ACAD10: variants seen among roughly 807,000 people sequenced by gnomAD.
The protein encoded by ACAD10 is acyl-CoA dehydrogenase family member 10, also known as ACAD-10.
Under a neutral mutation model 116.8 loss-of-function variants are expected in ACAD10, and 112 were observed. That is an observed-to-expected ratio of 0.96 (90% CI 0.82 to 1.12). ACAD10 has a LOEUF of 1.12. ACAD10 is among the 50% of genes most tolerant of loss of function. The pLI is 0.00. For synonymous variants in ACAD10, 486 were observed against 510.6 expected (o/e 0.95, Z 0.65); for missense variants, 1,259 against 1,350.2 (o/e 0.93, Z 1.06).
rs1419265218 is a variant in ACAD10, at chr12:111,712,606, A to C, written c.799A>C (p.Lys267Gln). Residue 267 changes from lysine to glutamine, a missense_variant, in exon 6 of 21, where the codon AAA becomes CAA. By Grantham distance (53) the Lys-to-Gln change is moderately conservative. Coordinates refer to ENST00000313698, the MANE Select transcript of ACAD10 (RefSeq NM_025247.6). ...TGTGAAAAAGACGATGGAAATTCCGAAAGATTCCTTGCAGAAGTACCTCAA... is the reference window on the plus strand; with the variant it reads ...TGTGAAAAAGACGATGGAAATTCCGCAAGATTCCTTGCAGAAGTACCTCAA... ...RPVKKTMEIP[K>Q]DSLQKYLKDL... 1.9e-6 allele frequency: 3 copies of C among 1,614,166 alleles called. No homozygotes were observed. The highest frequency in any genetic ancestry group is 3.3e-5 in the Admixed American group (2 of 59,992).
At chr12:111,692,946 GA>G (rs1376244059) in intron 2 of ACAD10, 50 bp downstream of exon 2, 1 of 1,587,940 alleles carries the variant, frequency 6.3e-7, no homozygotes, top group South Asian at 1.1e-5. Flanking sequence ...GGTGGTGGGA[GA>G]ATGGAGGGTG....
intron 8 of ACAD10, among the ~76,000 whole-genome samples, chr12:111,727,566 A>T (rs1276060411): frequency 6.6e-6 from 1 of 152,002 alleles, no homozygotes; most frequent in Non-Finnish European, 1.5e-5. Context: ...AAAAATAAAA[A>T]CCTGGTTCGG....
intron 18 of ACAD10, among the ~76,000 whole-genome samples, chr12:111,752,028 A>G (rs539612066): frequency 5.8e-4 from 87 of 150,808 alleles, no homozygotes; most frequent in Admixed American, 7.3e-4. Flanking sequence ...ATTGCACTCC[A>G]GCCTGGGCAA....
intron 2 of ACAD10, among the ~76,000 whole-genome samples, chr12:111,695,788 C>T (rs1473304736): frequency 4.0e-5 from 6 of 151,890 alleles, no homozygotes; most frequent in African/African-American, 7.3e-5. Flanking sequence ...ACGAGATGGG[C>T]GGATCACTTG....
intron 1 of ACAD10, among the ~76,000 whole-genome samples, chr12:111,686,683 T>C (rs904535275): frequency 6.6e-6 from 1 of 151,876 alleles, no homozygotes; most frequent in Non-Finnish European, 1.5e-5. Context: ...GCTAGTGCAC[T>C]CCCGCCTGGG....
At chr12:111,744,603 C>T (rs780947602) in intron 12 of ACAD10, 40 bp from the exon 13 acceptor site, 6 of 1,578,918 alleles carry the variant, frequency 3.8e-6, no homozygotes, top group East Asian at 2.2e-5. Flanking sequence ...TATGATGGGT[C>T]GTGTGGGAGT....
At chr12:111,700,326 A>C (rs1457573154) in intron 2 of ACAD10, among the ~76,000 whole-genome samples, 5 of 152,248 alleles carry the variant, frequency 3.3e-5, no homozygotes, top group African/African-American at 1.2e-4. Flanking sequence ...CCTTATTAGT[A>C]TACATTTAAC....
At chr12:111,727,548 A>C (rs1030586145) in intron 8 of ACAD10, among the ~76,000 whole-genome samples, 3 of 152,158 alleles carry the variant, frequency 2.0e-5, no homozygotes, top group Admixed American at 6.5e-5. Context: ...TAAATAAATA[A>C]ATAAACAAAA....
At chr12:111,723,580 T>C in intron 8 of ACAD10, among the ~76,000 whole-genome samples, 1 of 121,526 alleles carries the variant, frequency 8.2e-6, no homozygotes. Context: ...ACGGGGTGGC[T>C]GGCCGGGTGG....
intron 10 of ACAD10, among the ~76,000 whole-genome samples, chr12:111,730,754 CTTT>C (rs750344202): frequency 3.0e-5 from 4 of 135,126 alleles, no homozygotes; most frequent in Non-Finnish European, 3.2e-5. Flanking sequence ...ATTTCCGTTT[CTTT>C]TTTTTTTTTT....
intron 9 of ACAD10, 126 bp from the exon 10 acceptor site, chr12:111,729,680 G>T: frequency 8.9e-7 from 1 of 1,118,736 alleles, no homozygotes; most frequent in Non-Finnish European, 1.3e-6. Context: ...TCATAGGAAC[G>T]TGTTCAAAGA....
rs1012891393 is a variant in ACAD10, at chr12:111,725,341, C to G, written c.1062-2621C>G. 6.6e-5 allele frequency among the ~76,000 whole-genome samples: 10 copies of G among 151,984 alleles called. 1 individual carries two copies. The highest frequency in any genetic ancestry group is 1.5e-4 in the Non-Finnish European group (10 of 67,996). ...AGGGCAACATGGCAAAACCCCATCTCTACAAAAACAAACAAAAAATTAGCC... is the reference window on the plus strand; with the variant it reads ...AGGGCAACATGGCAAAACCCCATCTGTACAAAAACAAACAAAAAATTAGCC... On this transcript the variant is annotated intron_variant, in intron 8 of 20. Coordinates refer to ENST00000313698, the MANE Select transcript of ACAD10 (RefSeq NM_025247.6).
intron 7 of ACAD10, 38 bp downstream of exon 7, chr12:111,716,000 C>G: frequency 6.2e-7 from 1 of 1,612,778 alleles, no homozygotes; most frequent in Admixed American, 1.7e-5. Context: ...TGCCCACTAG[C>G]CTCCACTGTG....
intron 7 of ACAD10, among the ~76,000 whole-genome samples, chr12:111,717,697 A>G (rs913046027): frequency 1.3e-5 from 2 of 151,506 alleles, no homozygotes; most frequent in Non-Finnish European, 2.9e-5. Flanking sequence ...CCCAAATACT[A>G]CAGGCACATG....
At chr12:111,687,529 A>G (rs1431310472) in intron 1 of ACAD10, among the ~76,000 whole-genome samples, 1 of 152,152 alleles carries the variant, frequency 6.6e-6, no homozygotes, top group Non-Finnish European at 1.5e-5. Context: ...CTGTTGAAGA[A>G]TCACAGGGTT....
At chr12:111,752,282 T>TTGC (rs1890093389) in intron 18 of ACAD10, among the ~76,000 whole-genome samples, 1 of 147,824 alleles carries the variant, frequency 6.8e-6, no homozygotes, top group African/African-American at 2.4e-5. Context: ...TAATGTTTTG[T>TTGC]TGTTGTTGTT....
At chr12:111,745,074 C>T in intron 13 of ACAD10, 31 bp downstream of exon 13, 1 of 1,592,934 alleles carries the variant, frequency 6.3e-7, no homozygotes, top group East Asian at 2.2e-5. Context: ...TGGTAAGACC[C>T]CAATACCATG....
At chr12:111,720,087 C>T (rs1192023171) in intron 7 of ACAD10, among the ~76,000 whole-genome samples, 2 of 152,148 alleles carry the variant, frequency 1.3e-5, no homozygotes, top group Non-Finnish European at 2.9e-5. Flanking sequence ...TGGTGTTGAA[C>T]TCCTGACCTC....
rs755961132 is a variant in ACAD10, at chr12:111,721,623, CTCA to C, written c.993-44_993-42del. Reference sequence around the variant, plus strand: ...CAAAGAAAAGTAACTTCAAGAAAATCTCATCAATTCAGCCAGCAATTTTGTTTA... The same window carrying C: ...CAAAGAAAAGTAACTTCAAGAAAATCTCAATTCAGCCAGCAATTTTGTTTA... On this transcript the variant is annotated intron_variant, in intron 7 of 20. Transcript: ENST00000313698. 4.1e-6 allele frequency: 6 copies of C among 1,462,008 alleles called. No individual in the cohort carries two copies. In the East Asian group the frequency reaches 1.4e-4, roughly 34 times the overall value. 90.6% of individuals were successfully genotyped at this position (1,462,008 alleles called of 1,614,324 possible). A position where few individuals can be genotyped will look rare whatever the true frequency, so the allele number is the denominator to read the frequency against.
Sources: gnomAD v4.1 joint callset for allele counts (sites outside exome capture counted in the v4.1 genomes callset) on GRCh38, gnomAD v4.1.1 for gene constraint, MANE v1.5 for transcripts, NCBI Gene and HGNC (gene_info 2026-07-23, HGNC 2026-07-21) for gene names.